Variants in OSBPL10 observed in about 807,000 individuals in gnomAD.
The protein encoded by OSBPL10 is oxysterol-binding protein-related protein 10.
In OSBPL10, 49 loss-of-function variants were observed where a neutral mutation model predicts 81.7. The observed-to-expected ratio is 0.60, with a 90% CI of 0.48 to 0.76. The LOEUF (loss-of-function observed/expected upper bound fraction) is 0.76. Among genes scored for constraint, OSBPL10 ranks in the 30% least tolerant of loss-of-function variants. The pLI is 0.00. For synonymous variants in OSBPL10, 419 were observed against 383.6 expected (o/e 1.09, Z -1.08); for missense variants, 923 against 987.8 (o/e 0.93, Z 0.88).
rs184658865 is a variant in OSBPL10, at chr3:31,890,028, G to A, written c.282-10198C>T. ...AAAGCTTGTTGAAAATGTGGATTCT[G>A]ACTCTCAACCTACACCTAGAGGATC... On this transcript the variant is annotated intron_variant, in intron 1 of 11. Transcript: ENST00000396556. Among the ~76,000 whole-genome samples, 133 of 151,972 alleles carry A rather than the reference G, an allele frequency of 8.8e-4. 1 individual carries two copies. Among genetic ancestry groups the A allele is most frequent in the African/African-American group, 3.1e-3 (130 of 41,412 alleles).
At chr3:31,991,298 C>A in intron 2 of OSBPL10, 1 of 275,320 alleles carries the variant, frequency 3.6e-6, no homozygotes. Flanking sequence ...TTTTTTGTTT[C>A]TGATAGGGAT....
At chr3:32,044,631 C>G (rs1159564379) in intron 2 of OSBPL10, among the ~76,000 whole-genome samples, 2 of 149,558 alleles carry the variant, frequency 1.3e-5, no homozygotes, top group African/African-American at 4.9e-5. Flanking sequence ...ATCCCAGCTA[C>G]TCAGGAGGCT....
intron 3 of OSBPL10, among the ~76,000 whole-genome samples, chr3:31,867,072 C>A (rs1207717560): frequency 6.6e-6 from 1 of 152,132 alleles, no homozygotes; most frequent in African/African-American, 2.4e-5. Flanking sequence ...AAGCCCTAAC[C>A]ATATGCCAAT....
intron 4 of OSBPL10, among the ~76,000 whole-genome samples, chr3:31,822,912 C>CAA (rs1321799862): frequency 4.2e-5 from 1 of 23,976 alleles, no homozygotes; most frequent in Non-Finnish European, 8.8e-5. Context: ...ACCCCCAACT[C>CAA]TAAAAAAAAA....
chr3:31,885,504 ATCTG>A (rs1348108584), intron 1 of OSBPL10, among the ~76,000 whole-genome samples: 4 of 152,132 alleles, frequency 2.6e-5, no homozygotes, highest in African/African-American at 9.7e-5. Context: ...CTGAGACATC[ATCTG>A]TCTGCACAGG....
At chr3:31,698,649 C>G (rs1314287582) in intron 7 of OSBPL10, among the ~76,000 whole-genome samples, 1 of 152,074 alleles carries the variant, frequency 6.6e-6, no homozygotes, top group East Asian at 1.9e-4. Flanking sequence ...ACCACATTGG[C>G]CTCATGCCCA....
chr3:31,941,399 C>T (rs1048161805), intron 1 of OSBPL10, among the ~76,000 whole-genome samples: 1 of 152,144 alleles, frequency 6.6e-6, no homozygotes, highest in South Asian at 2.1e-4. Flanking sequence ...TTGATGGATA[C>T]GAAAGTGGTC....
intron 2 of OSBPL10, among the ~76,000 whole-genome samples, chr3:32,044,191 GT>G (rs1559554264): frequency 6.6e-6 from 1 of 151,906 alleles, no homozygotes; most frequent in Non-Finnish European, 1.5e-5. Flanking sequence ...TAATCACCCT[GT>G]AAAGTCAATA....
intron 2 of OSBPL10, chr3:31,991,150 C>G (rs553670692): frequency 1.4e-6 from 1 of 727,222 alleles, no homozygotes; most frequent in South Asian, 2.0e-5. Context: ...AAAGTGTTTA[C>G]GTTAAGAGGA....
intron 1 of OSBPL10, among the ~76,000 whole-genome samples, chr3:31,923,148 T>C (rs193295229): frequency 5.8e-4 from 89 of 152,308 alleles, no homozygotes; most frequent in African/African-American, 2.1e-3. Flanking sequence ...CACTCTCCTC[T>C]TATTGAAGAG....
chr3:31,764,639 G>A (rs899126698), intron 4 of OSBPL10, among the ~76,000 whole-genome samples: 4 of 152,150 alleles, frequency 2.6e-5, no homozygotes, highest in African/African-American at 9.7e-5. Context: ...TTCACTCAAG[G>A]AATAAAAGAT....
chr3:31,773,669 A>T (rs1698447649), intron 4 of OSBPL10, among the ~76,000 whole-genome samples: 1 of 152,144 alleles, frequency 6.6e-6, no homozygotes, highest in Non-Finnish European at 1.5e-5. Context: ...AGGTAGGTCT[A>T]AAGGTCTGAT....
intron 1 of OSBPL10, among the ~76,000 whole-genome samples, chr3:31,887,296 A>G (rs909692181): frequency 6.6e-6 from 1 of 152,244 alleles, no homozygotes; most frequent in African/African-American, 2.4e-5. Context: ...AAGTCAGCAA[A>G]ATAAAGCACA....
intron 1 of OSBPL10, among the ~76,000 whole-genome samples, chr3:32,049,661 T>C (rs1014841513): frequency 1.3e-5 from 2 of 152,238 alleles, no homozygotes; most frequent in African/African-American, 2.4e-5. Context: ...TTAACCACTA[T>C]TCTCTTTGGA....
chr3:31,972,497 G>A (rs1698592229), intron 1 of OSBPL10, among the ~76,000 whole-genome samples: 1 of 152,106 alleles, frequency 6.6e-6, no homozygotes, highest in Non-Finnish European at 1.5e-5. Flanking sequence ...AGCCCACACA[G>A]CTCTGACGGA....
rs1366944291 is a variant in OSBPL10 at position 31,664,324 on chromosome 3, G to A, written c.2097-92C>T. ...CCAGGAGCAGCCAGAGCAGCGAGGG[G>A]CCGCCAGGCAAGCCCCCTCTGGGGT... is the stretch of plus-strand genomic sequence containing the variant. On this transcript the variant is annotated intron_variant, in intron 10 of 11. Coordinates refer to ENST00000396556, the MANE Select transcript of OSBPL10 (RefSeq NM_017784.5). 3 of 1,375,432 alleles carry A rather than the reference G, an allele frequency of 2.2e-6. No individual in the cohort carries two copies. The African/African-American group carries it at 4.3e-5, about 20-fold the overall frequency. The allele number at this position is 1,375,432 out of a possible 1,614,324, so 85.2% of individuals were successfully genotyped here.
At chr3:31,792,017 G>C (rs1290385328) in intron 4 of OSBPL10, among the ~76,000 whole-genome samples, 1 of 152,076 alleles carries the variant, frequency 6.6e-6, no homozygotes, top group Admixed American at 6.6e-5. Flanking sequence ...AGGCCGAGGT[G>C]GGAGGATCAC....
intron 11 of OSBPL10, chr3:31,663,647 A>G (rs1700118101): frequency 4.8e-6 from 5 of 1,048,670 alleles, no homozygotes; most frequent in Non-Finnish European, 5.8e-6. Context: ...CTGAAAGGCA[A>G]TTCTTCATCA....
intron 2 of OSBPL10, among the ~76,000 whole-genome samples, chr3:31,987,643 C>A (rs1373658978): frequency 6.6e-6 from 1 of 152,216 alleles, no homozygotes; most frequent in Non-Finnish European, 1.5e-5. Context: ...CTCTCATCCT[C>A]TAGCAGGCCA....
Sources: gnomAD v4.1 joint callset for allele counts (sites outside exome capture counted in the v4.1 genomes callset) on GRCh38, gnomAD v4.1.1 for gene constraint, MANE v1.5 for transcripts, NCBI Gene and HGNC (gene_info 2026-07-23, HGNC 2026-07-21) for gene names.